GLIS1: variants seen among roughly 807,000 people sequenced by gnomAD.
GLIS1 encodes the protein zinc finger protein GLIS1.
A neutral mutation model predicts 63.8 loss-of-function variants in GLIS1; 24 were observed. The ratio of observed to expected loss-of-function variants is 0.38; its 90% confidence interval spans 0.27 to 0.53. The LOEUF (loss-of-function observed/expected upper bound fraction) is 0.53, where lower values mean the gene tolerates loss of function less well. Among genes scored for constraint, GLIS1 ranks in the 20% least tolerant of loss-of-function variants. GLIS1 has a pLI of 0.85. For synonymous variants in GLIS1, 450 were observed against 482.5 expected (o/e 0.93, Z 0.88); for missense variants, 1,036 against 1,074.1 (o/e 0.96, Z 0.50).
At chr1:53,509,342 G>A in intron 9 of GLIS1, 55 bp from the exon 10 acceptor site, 1 of 1,473,200 alleles carries the variant, frequency 6.8e-7, no homozygotes, top group Non-Finnish European at 9.2e-7. Context: ...CCCAGGGCAG[G>A]GAGGGGAACA....
At chr1:53,614,959 T>A (rs908740963) in intron 2 of GLIS1, among the ~76,000 whole-genome samples, 4 of 152,140 alleles carry the variant, frequency 2.6e-5, no homozygotes, top group Non-Finnish European at 4.4e-5. Context: ...TTACTGTACA[T>A]AAATTTTTAA....
chr1:53,635,902 G>A (rs1466323458), intron 2 of GLIS1, among the ~76,000 whole-genome samples: 5 of 152,064 alleles, frequency 3.3e-5, no homozygotes, highest in Admixed American at 6.5e-5. Context: ...TAAAGACAAC[G>A]GAAAAACTAA....
chr1:53,700,706 A>G (rs929276180), intron 2 of GLIS1, among the ~76,000 whole-genome samples: 1 of 152,200 alleles, frequency 6.6e-6, no homozygotes, highest in African/African-American at 2.4e-5. Context: ...GTGTGCACCC[A>G]TCACCACTAT....
At chr1:53,633,395 G>A (rs996718039) in intron 2 of GLIS1, among the ~76,000 whole-genome samples, 7 of 150,030 alleles carry the variant, frequency 4.7e-5, no homozygotes, top group African/African-American at 1.5e-4. Flanking sequence ...TTGTGAATGA[G>A]TGTGACTGAG....
At chr1:53,536,079 G>A (rs1459680172) in intron 4 of GLIS1, among the ~76,000 whole-genome samples, 1 of 152,122 alleles carries the variant, frequency 6.6e-6, no homozygotes, top group African/African-American at 2.4e-5. Context: ...GCACACTGTG[G>A]GGGCTCTGTG....
chr1:53,566,358 C>T (rs1644936657), intron 4 of GLIS1, among the ~76,000 whole-genome samples: 1 of 151,914 alleles, frequency 6.6e-6, no homozygotes, highest in South Asian at 2.1e-4. Flanking sequence ...TGAAAAAAAC[C>T]TATTGGAACT....
intron 2 of GLIS1, among the ~76,000 whole-genome samples, chr1:53,727,131 C>T (rs1646813176): frequency 6.6e-6 from 1 of 152,220 alleles, no homozygotes; most frequent in African/African-American, 2.4e-5. Context: ...AGTCAGGATC[C>T]AAACTCAGTT....
intron 2 of GLIS1, among the ~76,000 whole-genome samples, chr1:53,722,125 T>C (rs1214715261): frequency 2.0e-5 from 3 of 152,082 alleles, no homozygotes; most frequent in African/African-American, 7.2e-5. Flanking sequence ...ATTAGGAAAA[T>C]GTTGAAACAC....
intron 2 of GLIS1, among the ~76,000 whole-genome samples, chr1:53,614,878 A>C (rs1645463828): frequency 6.7e-6 from 1 of 149,684 alleles, no homozygotes; most frequent in African/African-American, 2.5e-5. Context: ...ACTCATACAC[A>C]CTCTCTTATA....
chr1:53,623,055 G>A (rs529277717), intron 2 of GLIS1, among the ~76,000 whole-genome samples: 1 of 152,122 alleles, frequency 6.6e-6, no homozygotes, highest in East Asian at 1.9e-4. Flanking sequence ...CTGCTTCTTA[G>A]TTTATTACTT....
Position 53,555,301 on chromosome 1 carries a change from C to T in GLIS1, c.1321-25349G>A, listed in dbSNP as rs140958670. 3.8e-3 allele frequency among the ~76,000 whole-genome samples: 573 copies of T among 152,252 alleles called. 8 individuals are homozygous for T. The highest frequency in any genetic ancestry group is 0.011 in the African/African-American group (461 of 41,536). On this transcript the variant is annotated intron_variant, in intron 4 of 10. Transcript: ENST00000628545. ...TGCCTAGCACTTTGGGAGGCCGAGG[C>T]GGGCGGATCACGAGGTCAGGAGATC... is the stretch of plus-strand genomic sequence containing the variant.
intron 4 of GLIS1, among the ~76,000 whole-genome samples, chr1:53,545,348 G>T (rs1414470506): frequency 6.6e-6 from 1 of 152,202 alleles, no homozygotes; most frequent in Non-Finnish European, 1.5e-5. Context: ...AAGGCAGTCT[G>T]GGCAGAGTCC....
intron 2 of GLIS1, among the ~76,000 whole-genome samples, chr1:53,631,763 C>T (rs1645654244): frequency 6.6e-6 from 1 of 151,004 alleles, no homozygotes; most frequent in Admixed American, 6.6e-5. Context: ...TGACCTGAAG[C>T]AGGTGAGGGA....
At chr1:53,634,315 G>A (rs1645700729) in intron 2 of GLIS1, among the ~76,000 whole-genome samples, 1 of 152,192 alleles carries the variant, frequency 6.6e-6, no homozygotes, top group Admixed American at 6.5e-5. Context: ...CAGTAATACA[G>A]ATGAGACCAC....
intron 2 of GLIS1, among the ~76,000 whole-genome samples, chr1:53,722,082 T>C (rs533201425): frequency 9.2e-5 from 14 of 152,252 alleles, no homozygotes; most frequent in Admixed American, 5.9e-4. Flanking sequence ...CAAACAAACA[T>C]ATAATGAAAC....
intron 2 of GLIS1, among the ~76,000 whole-genome samples, chr1:53,709,331 C>CATATATATACATATACAT (rs1646614455): frequency 1.4e-4 from 6 of 43,014 alleles, no homozygotes; most frequent in South Asian, 2.4e-3. Flanking sequence ...TAAATATACA[C>CATATATATACATATACAT]ATATATATAC....
Position 53,613,724 on chromosome 1 carries a change from T to C in GLIS1, c.260-13446A>G, listed in dbSNP as rs144195150. Among the ~76,000 whole-genome samples the C allele has an allele frequency of 4.2e-3, 636 of 152,310 alleles. 2 individuals are homozygous for C. Among genetic ancestry groups the C allele is most frequent in the Non-Finnish European group, 6.3e-3 (430 of 68,030 alleles). On this transcript the variant is annotated intron_variant, in intron 2 of 10. Coordinates refer to ENST00000628545, the MANE Select transcript of GLIS1 (RefSeq NM_001367484.1). The stretch of plus-strand genomic sequence containing the variant: ...AATATGTAAGAAACAGCCCACTTAT[T>C]ACAAAGTCCACACCACACAAGGAAC...
chr1:53,514,138 C>T (rs1644325253), intron 8 of GLIS1, among the ~76,000 whole-genome samples: 1 of 152,224 alleles, frequency 6.6e-6, no homozygotes. Context: ...AGTAAAGGCT[C>T]CCAGGCAGCC....
At chr1:53,520,448 G>T (rs1644395980) in intron 7 of GLIS1, among the ~76,000 whole-genome samples, 186 bp downstream of exon 7, 1 of 152,264 alleles carries the variant, frequency 6.6e-6, no homozygotes, top group African/African-American at 2.4e-5. Context: ...AGTTAGACGA[G>T]CTGCAGGGAG....
Sources: allele counts gnomAD v4.1 joint callset (sites outside exome capture counted in the v4.1 genomes callset), GRCh38; gene constraint gnomAD v4.1.1; transcripts MANE v1.5; gene names NCBI Gene and HGNC (gene_info 2026-07-23, HGNC 2026-07-21).